Variants in RYR2 observed in about 807,000 individuals in gnomAD.
The protein encoded by RYR2 is ryanodine receptor 2.
Under a neutral mutation model 601.1 loss-of-function variants are expected in RYR2, and 227 were observed. The ratio of observed to expected loss-of-function variants is 0.38; its 90% CI spans 0.34 to 0.42. The LOEUF is 0.42. Among genes scored for constraint, RYR2 ranks in the 10% least tolerant of loss-of-function variants. The probability of loss-of-function intolerance (pLI) is 1.00; values close to 1 mark genes in which losing one functional copy is unlikely to be tolerated. For synonymous variants in RYR2, 2,223 were observed against 2,175.1 expected, an observed-to-expected ratio of 1.02 and a Z score of -0.61; for missense variants, 4,646 against 6,156.5, an observed-to-expected ratio of 0.75 and a Z score of 8.21.
intron 101 of RYR2, among the ~76,000 whole-genome samples, chr1:237,822,545 G>A (rs1480374061): frequency 6.6e-6 from 1 of 152,144 alleles, no homozygotes; most frequent in Non-Finnish European, 1.5e-5. Flanking sequence ...AACATGAAAA[G>A]GAACAACCGG....
chr1:237,741,982 A>C (rs1329810153), intron 79 of RYR2, among the ~76,000 whole-genome samples: 1 of 152,208 alleles, frequency 6.6e-6, no homozygotes, highest in East Asian at 1.9e-4. Context: ...AATCCTTTTA[A>C]GGTTTGCAGT....
intron 13 of RYR2, among the ~76,000 whole-genome samples, chr1:237,442,533 T>A (rs1283417599): frequency 6.6e-6 from 1 of 152,194 alleles, no homozygotes; most frequent in Non-Finnish European, 1.5e-5. Context: ...TCATTGACTA[T>A]CCTGTTTGTA....
intron 14 of RYR2, among the ~76,000 whole-genome samples, chr1:237,447,749 T>TC (rs138968196): frequency 0.071 from 10,848 of 151,914 alleles, 975 homozygotes; most frequent in African/African-American, 0.21. Context: ...TTTCCTTTCT[T>TC]CTTTCTTTCT....
At chr1:237,591,926 C>T in intron 32 of RYR2, 73 bp downstream of exon 32, 2 of 958,706 alleles carry the variant, frequency 2.1e-6, no homozygotes, top group South Asian at 1.6e-5. Flanking sequence ...GTAATACATA[C>T]CGATTCATCA....
Position 237,208,601 on chromosome 1 carries a change from TCAACGTATA to T in RYR2, c.49-61892_49-61884del, listed in dbSNP as rs572046705. On this transcript the variant is annotated intron_variant, in intron 1 of 104. Transcript: ENST00000366574. ...CATAATTGTCAAAAATTATATATAT[TCAACGTATA>T]CAATGTGATGTTTTGATATACACGT... is the stretch of plus-strand genomic sequence containing the variant. 5.8e-3 allele frequency among the ~76,000 whole-genome samples: 885 copies of T among 152,160 alleles called. 11 individuals are homozygous for T. Among genetic ancestry groups the T allele is most frequent in the African/African-American group, 0.02 (842 of 41,516 alleles).
chr1:237,490,800 A>G (rs957904432), intron 17 of RYR2, among the ~76,000 whole-genome samples: 1 of 152,256 alleles, frequency 6.6e-6, no homozygotes, highest in Non-Finnish European at 1.5e-5. Context: ...TGACAGCCAT[A>G]GAGAATTGCC....
At chr1:237,656,367 C>T (rs1320285471) in intron 53 of RYR2, among the ~76,000 whole-genome samples, 1 of 152,186 alleles carries the variant, frequency 6.6e-6, no homozygotes, top group Non-Finnish European at 1.5e-5. Flanking sequence ...AAAGCTGTTT[C>T]TGCGAGTAGC....
At position 237,123,650 on chromosome 1, in the gene RYR2, A is replaced by ATTT. The variant is rs869177997; in HGVS notation, c.48+81107_48+81109dup. Among the ~76,000 whole-genome samples the ATTT allele has an allele frequency of 4.3e-4, 34 of 78,968 alleles. 1 individual carries two copies. The highest frequency in any genetic ancestry group is 9.1e-4 in the African/African-American group (18 of 19,786). The allele number at this position is 78,968 out of a possible 152,430, so 51.8% of individuals were successfully genotyped here. On this transcript the variant is annotated intron_variant, in intron 1 of 104. Coordinates refer to ENST00000366574, the MANE Select transcript of RYR2 (RefSeq NM_001035.3). Reference sequence around the variant, plus strand: ...TTCTCCTTTGATCCTATCAGTCACTATTTTTTTTTTTTTTTTTTTTTTTTT... The same window carrying ATTT: ...TTCTCCTTTGATCCTATCAGTCACTATTTTTTTTTTTTTTTTTTTTTTTTTTTT...
rs577026419 is a variant in RYR2, at chr1:237,315,101, G to T, written c.169-15777G>T. Reference sequence around the variant, plus strand: ...CTGTAAAGATCCAGTGGATCTTTCCGGTTAGTAACCTACATGTGAATGAAT... The same window carrying T: ...CTGTAAAGATCCAGTGGATCTTTCCTGTTAGTAACCTACATGTGAATGAAT... On this transcript the variant is annotated intron_variant, in intron 2 of 104. Coordinates refer to ENST00000366574, the MANE Select transcript of RYR2 (RefSeq NM_001035.3). 2.6e-5 allele frequency among the ~76,000 whole-genome samples: 4 copies of T among 152,104 alleles called. No individual in the cohort carries two copies. In the South Asian group the frequency reaches 8.3e-4, roughly 32 times the overall value.
intron 1 of RYR2, among the ~76,000 whole-genome samples, chr1:237,072,865 T>A (rs986032495): frequency 6.6e-6 from 1 of 150,954 alleles, no homozygotes; most frequent in Non-Finnish European, 1.5e-5. Flanking sequence ...GGAGAATCGC[T>A]TGAACCTGGG....
intron 69 of RYR2, among the ~76,000 whole-genome samples, 153 bp from the exon 70 acceptor site, chr1:237,709,324 TATG>T (rs1688633358): frequency 6.6e-6 from 1 of 152,192 alleles, no homozygotes; most frequent in South Asian, 2.1e-4. Context: ...GTTTGACAGT[TATG>T]ATGTTTAAAT....
Position 237,383,047 on chromosome 1 carries a change from A to G in RYR2, c.577-4234A>G, listed in dbSNP as rs182874892. On this transcript the variant is annotated intron_variant, in intron 8 of 104. Coordinates refer to ENST00000366574, the MANE Select transcript of RYR2 (RefSeq NM_001035.3). ...GGCCGAAGTACCTGAAAGTTTAATA[A>G]AAAATGAATAAATGAATGAATAATT... Among the ~76,000 whole-genome samples, 7 of 152,206 alleles carry G rather than the reference A, an allele frequency of 4.6e-5. No individual in the cohort carries two copies. The East Asian group carries it at 9.7e-4, about 21-fold the overall frequency.
At chr1:237,768,668 C>T (rs1694033642) in intron 84 of RYR2, among the ~76,000 whole-genome samples, 1 of 152,300 alleles carries the variant, frequency 6.6e-6, no homozygotes, top group East Asian at 1.9e-4. Flanking sequence ...GCACACATCA[C>T]AAAATAGACT....
intron 13 of RYR2, among the ~76,000 whole-genome samples, chr1:237,443,581 A>G (rs998063406): frequency 6.6e-6 from 1 of 152,208 alleles, no homozygotes; most frequent in African/African-American, 2.4e-5. Context: ...TTCTTTTGAA[A>G]TTCTACTAGA....
At chr1:237,102,964 G>A (rs1668282607) in intron 1 of RYR2, among the ~76,000 whole-genome samples, 1 of 152,162 alleles carries the variant, frequency 6.6e-6, no homozygotes. Context: ...TTAAGTATAT[G>A]CACACCGTTG....
intron 1 of RYR2, among the ~76,000 whole-genome samples, chr1:237,187,991 C>T (rs1324641517): frequency 1.3e-5 from 2 of 152,160 alleles, no homozygotes; most frequent in African/African-American, 4.8e-5. Flanking sequence ...CCTCTTCATA[C>T]TTTAACTTAC....
At chr1:237,690,417 T>C (rs143607893) in intron 63 of RYR2, among the ~76,000 whole-genome samples, 208 of 152,352 alleles carry the variant, frequency 1.4e-3, no homozygotes, top group African/African-American at 4.6e-3. Flanking sequence ...TAATTCATGT[T>C]AAAGTGCTAT....
intron 100 of RYR2, among the ~76,000 whole-genome samples, chr1:237,813,587 CAT>C (rs1661477620): frequency 6.6e-6 from 1 of 152,180 alleles, no homozygotes; most frequent in African/African-American, 2.4e-5. Flanking sequence ...TCTCAGTATG[CAT>C]TTCCATTACT....
At chr1:237,741,053 GC>G (rs1691564460) in intron 79 of RYR2, among the ~76,000 whole-genome samples, 1 of 152,158 alleles carries the variant, frequency 6.6e-6, no homozygotes, top group African/African-American at 2.4e-5. Flanking sequence ...TAACATCTTT[GC>G]TTTTGTGATG....
Sources: gnomAD v4.1 joint callset for allele counts (sites outside exome capture counted in the v4.1 genomes callset) on GRCh38, gnomAD v4.1.1 for gene constraint, MANE v1.5 for transcripts, NCBI Gene and HGNC (gene_info 2026-07-23, HGNC 2026-07-21) for gene names.